Variants in CADM2 observed in about 807,000 individuals in gnomAD.
The protein encoded by CADM2 is cell adhesion molecule 2.
In CADM2, 12 loss-of-function variants were observed where a neutral mutation model predicts 49.8. The observed-to-expected ratio is 0.24, with a 90% confidence interval of 0.15 to 0.39. The LOEUF (loss-of-function observed/expected upper bound fraction) is 0.39, where lower values mean the gene tolerates loss of function less well. Ranked by LOEUF, CADM2 falls within the 10% of genes least tolerant of loss-of-function variation. The pLI is 1.00. For synonymous variants in CADM2, 214 were observed against 175.4 expected (o/e 1.22, Z -1.74); for missense variants, 378 against 492.3 (o/e 0.77, Z 2.20).
chr3:85,017,620 C>T (rs1349282731), intron 1 of CADM2, among the ~76,000 whole-genome samples: 1 of 152,088 alleles, frequency 6.6e-6, no homozygotes, highest in Non-Finnish European at 1.5e-5. Context: ...AGACAAAATC[C>T]TGCCAACCAC....
intron 1 of CADM2, among the ~76,000 whole-genome samples, chr3:85,536,471 TTTTC>T (rs1194444076): frequency 6.6e-6 from 1 of 152,014 alleles, no homozygotes; most frequent in African/African-American, 2.4e-5. Context: ...GTTTTTTTCT[TTTTC>T]TTTGTTTTAA....
chr3:85,211,721 C>T (rs1251276197), intron 1 of CADM2, among the ~76,000 whole-genome samples: 4 of 152,054 alleles, frequency 2.6e-5, no homozygotes, highest in African/African-American at 7.2e-5. Context: ...TCAGAATAAG[C>T]CATGTGCTGA....
chr3:85,673,077 A>C (rs933520730), intron 1 of CADM2, among the ~76,000 whole-genome samples: 24 of 152,212 alleles, frequency 1.6e-4, no homozygotes, highest in African/African-American at 5.3e-4. Context: ...GACTATAAAG[A>C]ATGTCAGGTA....
At chr3:85,929,287 T>G (rs550084335) in intron 6 of CADM2, among the ~76,000 whole-genome samples, 1 of 152,234 alleles carries the variant, frequency 6.6e-6, no homozygotes, top group South Asian at 2.1e-4. Flanking sequence ...AATTACTGTT[T>G]AAGTAAAATT....
intron 1 of CADM2, among the ~76,000 whole-genome samples, chr3:85,129,380 CTG>C (rs1225481544): frequency 6.6e-6 from 1 of 152,124 alleles, no homozygotes; most frequent in Non-Finnish European, 1.5e-5. Flanking sequence ...TATTTTAACA[CTG>C]TATTTCTTTT....
intron 1 of CADM2, among the ~76,000 whole-genome samples, chr3:85,259,937 G>T (rs969505183): frequency 6.6e-6 from 1 of 152,090 alleles, no homozygotes; most frequent in African/African-American, 2.4e-5. Flanking sequence ...CAATCTAAAG[G>T]TTAGTCATCT....
chr3:85,109,396 A>T (rs2038368194), intron 1 of CADM2, among the ~76,000 whole-genome samples: 1 of 151,986 alleles, frequency 6.6e-6, no homozygotes, highest in South Asian at 2.1e-4. Flanking sequence ...AGAGAGAGAG[A>T]GAGAAAGACA....
intron 1 of CADM2, among the ~76,000 whole-genome samples, chr3:85,203,396 AAG>A (rs1278688374): frequency 6.6e-6 from 1 of 150,744 alleles, no homozygotes; most frequent in Admixed American, 6.6e-5. Flanking sequence ...GAGAGAGAGA[AAG>A]AAAGTGTCAA....
rs943540921 is a variant in CADM2 at position 85,002,594 on chromosome 3, G to T, written c.61+42926G>T. On this transcript the variant is annotated intron_variant, in intron 1 of 9. Coordinates refer to ENST00000383699, the MANE Select transcript of CADM2 (RefSeq NM_001167675.2). ...TAGAGTAAATAATTATTATTTTTTTGTCTTTCCTTTTTATTATTTTCAGCC... is the reference window on the plus strand; with the variant it reads ...TAGAGTAAATAATTATTATTTTTTTTTCTTTCCTTTTTATTATTTTCAGCC... Among the ~76,000 whole-genome samples the T allele has an allele frequency of 2.6e-5, 4 of 151,740 alleles. No homozygotes were observed. The South Asian group carries it at 8.3e-4, about 31-fold the overall frequency.
intron 1 of CADM2, among the ~76,000 whole-genome samples, chr3:85,647,884 T>A (rs1020523035): frequency 6.6e-6 from 1 of 151,892 alleles, no homozygotes; most frequent in Admixed American, 6.6e-5. Flanking sequence ...GCCACTCAGT[T>A]GATTAGTGTT....
chr3:85,617,400 G>A lies in CADM2; in HGVS notation c.62-109122G>A, dbSNP rs529026866. Reference sequence around the variant, plus strand: ...AGCCAGATAAAGCAATACATAGGGTGAGGTCTGGAGGGGTACTACAAGAGC... The same window carrying A: ...AGCCAGATAAAGCAATACATAGGGTAAGGTCTGGAGGGGTACTACAAGAGC... On this transcript the variant is annotated intron_variant, in intron 1 of 9. Coordinates refer to ENST00000383699, the MANE Select transcript of CADM2 (RefSeq NM_001167675.2). Among the ~76,000 whole-genome samples, 9 of 152,296 alleles carry A rather than the reference G, an allele frequency of 5.9e-5. No homozygotes were observed. In the East Asian group the frequency reaches 1.5e-3, roughly 26 times the overall value.
chr3:85,008,092 C>T (rs2033824607), intron 1 of CADM2, among the ~76,000 whole-genome samples: 1 of 152,144 alleles, frequency 6.6e-6, no homozygotes, highest in Admixed American at 6.6e-5. Context: ...GTTGGCTCAA[C>T]TACCTAAAAC....
intron 8 of CADM2, among the ~76,000 whole-genome samples, chr3:86,041,487 G>A (rs944767645): frequency 6.6e-6 from 1 of 152,086 alleles, no homozygotes; most frequent in Non-Finnish European, 1.5e-5. Context: ...GACAAAGAAG[G>A]CCATTACATA....
chr3:86,054,905 T>C (rs1409217012), intron 8 of CADM2, among the ~76,000 whole-genome samples: 1 of 152,168 alleles, frequency 6.6e-6, no homozygotes, highest in Non-Finnish European at 1.5e-5. Context: ...TTTTTCTTAA[T>C]GGTTGTTCCT....
At chr3:86,023,043 G>T (rs1268965727) in intron 8 of CADM2, among the ~76,000 whole-genome samples, 1 of 151,978 alleles carries the variant, frequency 6.6e-6, no homozygotes, top group Non-Finnish European at 1.5e-5. Flanking sequence ...AGATCTTCAG[G>T]GTTCTAGCAT....
At chr3:85,066,604 T>A (rs2036537945) in intron 1 of CADM2, among the ~76,000 whole-genome samples, 1 of 152,062 alleles carries the variant, frequency 6.6e-6, no homozygotes, top group African/African-American at 2.4e-5. Flanking sequence ...ACCAGGCTGC[T>A]GAATGCTCGT....
chr3:85,321,091 CATATATATATATAT>C (rs1227890094), intron 1 of CADM2, among the ~76,000 whole-genome samples: 5 of 64,748 alleles, frequency 7.7e-5, no homozygotes, highest in African/African-American at 1.2e-4. Flanking sequence ...TAGATATATA[CATATATATATATAT>C]ATATATATAT....
At chr3:85,239,680 A>G (rs2042486091) in intron 1 of CADM2, among the ~76,000 whole-genome samples, 1 of 151,498 alleles carries the variant, frequency 6.6e-6, no homozygotes, top group African/African-American at 2.4e-5. Flanking sequence ...TTTTATAATT[A>G]CAAGAAAATT....
chr3:85,678,319 C>T (rs1347502945), intron 1 of CADM2, among the ~76,000 whole-genome samples: 1 of 152,018 alleles, frequency 6.6e-6, no homozygotes, highest in Admixed American at 6.6e-5. Context: ...TTTTGTCATC[C>T]CACCTTAGTA....
Sources: allele counts gnomAD v4.1 joint callset (sites outside exome capture counted in the v4.1 genomes callset), GRCh38; gene constraint gnomAD v4.1.1; transcripts MANE v1.5; gene names NCBI Gene and HGNC (gene_info 2026-07-23, HGNC 2026-07-21).